The following COL19A1 variants were observed in gnomAD, a reference collection of about 807,000 sequenced individuals.
COL19A1 encodes the protein collagen type XIX alpha 1 chain.
A neutral mutation model predicts 190.2 loss-of-function variants in COL19A1; 159 were observed. The ratio of observed to expected loss-of-function variants is 0.84; its 90% confidence interval spans 0.73 to 0.95. COL19A1 has a LOEUF of 0.95. Ranked by LOEUF, COL19A1 falls within the 40% of genes least tolerant of loss-of-function variation. The pLI is 0.00. For synonymous variants in COL19A1, 509 were observed against 458.9 expected (o/e 1.11, Z -1.39); for missense variants, 1,418 against 1,431.9 (o/e 0.99, Z 0.16).
rs759890824 is a variant in COL19A1, at chr6:69,929,674, C to T, written c.640C>T (p.Arg214Ter). Residue 214 changes from arginine (R) to a stop codon, truncating the protein, a stop_gained, in exon 6 of 51, where the codon CGA becomes TGA. Transcript: ENST00000620364. LOFTEE classifies it high-confidence loss of function. ...CCATGGACGGACAGTTATTGCTACGCGAGCTTCAGATGGCAAGCCTGTGGA... is the reference window on the plus strand; with the variant it reads ...CCATGGACGGACAGTTATTGCTACGTGAGCTTCAGATGGCAAGCCTGTGGA... ...DFHGRTVIAT[R>*]ASDGKPVDIE... 6.8e-6 allele frequency: 11 copies of T among 1,612,774 alleles called. No homozygotes were observed. The highest frequency in any genetic ancestry group is 3.3e-5 in the Admixed American group (2 of 59,896).
At chr6:70,113,194 T>C (rs183707675) in intron 16 of COL19A1, among the ~76,000 whole-genome samples, 16 of 152,306 alleles carry the variant, frequency 1.1e-4, no homozygotes, top group East Asian at 9.6e-4. Context: ...CTGCTCAGAA[T>C]TTTCAGACAT....
chr6:69,943,831 A>T lies in COL19A1; in HGVS notation c.936+5731A>T, dbSNP rs890736028. Among the ~76,000 whole-genome samples the T allele has an allele frequency of 3.3e-5, 5 of 152,122 alleles. No individual in the cohort carries two copies. In the East Asian group the frequency reaches 9.6e-4, roughly 29 times the overall value. On this transcript the variant is annotated intron_variant, in intron 9 of 50. Transcript: ENST00000620364. The stretch of plus-strand genomic sequence containing the variant: ...TAATGCAGCAAATTCATAGAGAAAA[A>T]TGTTACTCTTATTTATACACATACA...
chr6:69,959,918 A>G, intron 9 of COL19A1, 78 bp from the exon 10 acceptor site: 2 of 1,322,862 alleles, frequency 1.5e-6, no homozygotes, highest in Non-Finnish European at 2.1e-6. Flanking sequence ...CACTAGAGCT[A>G]TTTGTTAAAG....
chr6:70,041,716 A>AT lies in COL19A1; in HGVS notation c.1170+5778dup, dbSNP rs200991674. Among the ~76,000 whole-genome samples the AT allele has an allele frequency of 4.6e-5, 7 of 152,220 alleles. No homozygotes were observed. In the East Asian group the frequency reaches 7.7e-4, roughly 17 times the overall value. ...TTATTTAAATCTAGTTTAAAAAATT[A>AT]TAAAAAAAACAGAAATGTTCTAAAC... On this transcript the variant is annotated intron_variant, in intron 14 of 50. Coordinates refer to ENST00000620364, the MANE Select transcript of COL19A1 (RefSeq NM_001858.6).
At chr6:69,873,253 G>GAA (rs372359269) in intron 1 of COL19A1, among the ~76,000 whole-genome samples, 3 of 141,920 alleles carry the variant, frequency 2.1e-5, no homozygotes, top group Admixed American at 7.1e-5. Flanking sequence ...GAAATTCCCT[G>GAA]AAAAAAAAAA....
At chr6:70,077,830 A>T (rs754599518) in intron 15 of COL19A1, among the ~76,000 whole-genome samples, 1 of 152,226 alleles carries the variant, frequency 6.6e-6, no homozygotes, top group Non-Finnish European at 1.5e-5. Flanking sequence ...TGTGCATTCA[A>T]TATTTTTATT....
At chr6:70,059,211 T>C (rs1780682374) in intron 14 of COL19A1, among the ~76,000 whole-genome samples, 1 of 152,116 alleles carries the variant, frequency 6.6e-6, no homozygotes, top group South Asian at 2.1e-4. Context: ...TTGCATAACA[T>C]TTTTGTTGAA....
chr6:69,960,067 G>A (rs1487613753), intron 10 of COL19A1, 27 bp downstream of exon 10: 2 of 1,598,764 alleles, frequency 1.3e-6, no homozygotes, highest in Non-Finnish European at 1.7e-6. Flanking sequence ...TGTTTCATCT[G>A]AGTTAAGAAT....
At chr6:70,056,903 C>T (rs893966358) in intron 14 of COL19A1, among the ~76,000 whole-genome samples, 6 of 151,788 alleles carry the variant, frequency 4.0e-5, no homozygotes, top group African/African-American at 1.5e-4. Context: ...CATTAAATAC[C>T]TAGGTCTTTC....
rs367879795 is a variant in COL19A1, at chr6:70,193,260, A to AG, written c.3094+2881dup. Among the ~76,000 whole-genome samples, 577 of 152,322 alleles carry AG rather than the reference A, an allele frequency of 3.8e-3. 1 individual carries two copies. The highest frequency in any genetic ancestry group is 0.011 in the African/African-American group (453 of 41,582). On this transcript the variant is annotated intron_variant, in intron 48 of 50. Transcript: ENST00000620364. ...GGAAGGCTCCGTCCTGCCCACTCCC[A>AG]GGCCATTCTGTGGCTACTCTCATGA...
chr6:70,049,986 C>T (rs888273537), intron 14 of COL19A1, among the ~76,000 whole-genome samples: 3 of 151,950 alleles, frequency 2.0e-5, no homozygotes, highest in Admixed American at 6.6e-5. Context: ...ATATTAATTC[C>T]AATTAACTGA....
intron 14 of COL19A1, among the ~76,000 whole-genome samples, chr6:70,036,607 A>G (rs1779365116): frequency 6.6e-6 from 1 of 152,132 alleles, no homozygotes; most frequent in Non-Finnish European, 1.5e-5. Flanking sequence ...AGGTGATTAA[A>G]GATTCTTATT....
intron 6 of COL19A1, among the ~76,000 whole-genome samples, chr6:69,932,120 G>A (rs1772797833): frequency 6.6e-6 from 1 of 151,778 alleles, no homozygotes; most frequent in Non-Finnish European, 1.5e-5. Context: ...TGCATTTAAA[G>A]GCATGATTTT....
intron 21 of COL19A1, 35 bp from the exon 22 acceptor site, chr6:70,141,988 G>T (rs780594677): frequency 1.2e-6 from 2 of 1,611,932 alleles, no homozygotes; most frequent in Non-Finnish European, 1.7e-6. Flanking sequence ...GAAAATTAAA[G>T]AAACATTGAT....
chr6:70,121,907 CA>C lies in COL19A1; in HGVS notation c.1309del (p.Thr437LeufsTer21). 6.3e-7 allele frequency: 1 copy of C among 1,588,724 alleles called. No individual in the cohort carries two copies. Among genetic ancestry groups the C allele is most frequent in the Non-Finnish European group, 8.6e-7 (1 of 1,168,990 alleles). ...PGPPGIQGIHQTLGGYYNKDN... is the reference protein window; with the variant it reads ...PGPPGIQGIHXTLGGYYNKDN... ...ACCTCCTGGAATACAAGGAATACAC[CA>C]AACTCTTGGTGGATATTATAACAAG... On this transcript the variant is annotated frameshift_variant, in exon 17 of 51. Transcript: ENST00000620364. LOFTEE classifies it high-confidence loss of function.
At chr6:70,154,113 C>T (rs956224655) in intron 31 of COL19A1, among the ~76,000 whole-genome samples, 4 of 149,458 alleles carry the variant, frequency 2.7e-5, no homozygotes, top group East Asian at 2.0e-4. Context: ...CCCTACCCCC[C>T]CCAACCCCCC....
intron 41 of COL19A1, among the ~76,000 whole-genome samples, chr6:70,174,310 G>C (rs898986229): frequency 1.3e-5 from 2 of 152,186 alleles, no homozygotes; most frequent in African/African-American, 4.8e-5. Context: ...GCTCACGCCT[G>C]TAATCCCAGC....
intron 17 of COL19A1, among the ~76,000 whole-genome samples, chr6:70,124,184 A>C (rs929175506): frequency 1.3e-5 from 2 of 152,160 alleles, no homozygotes; most frequent in Non-Finnish European, 2.9e-5. Context: ...AAGCATGTTT[A>C]AATTTAATCA....
intron 14 of COL19A1, among the ~76,000 whole-genome samples, chr6:70,043,564 T>C (rs149997841): frequency 7.4e-4 from 112 of 152,286 alleles, no homozygotes; most frequent in African/African-American, 2.5e-3. Flanking sequence ...GAAGAATGGA[T>C]ATTGTGTTAG....
Sources: allele counts gnomAD v4.1 joint callset (sites outside exome capture counted in the v4.1 genomes callset), GRCh38; gene constraint gnomAD v4.1.1; transcripts MANE v1.5; gene names NCBI Gene and HGNC (gene_info 2026-07-23, HGNC 2026-07-21).